RAC2: variants seen among roughly 807,000 people sequenced by gnomAD.
The protein encoded by RAC2 is ras-related C3 botulinum toxin substrate 2.
RAC2 carries 1 observed loss-of-function variant against 24.0 expected under a neutral mutation model. That is an observed-to-expected ratio of 0.04 (90% confidence interval 0.01 to 0.20). The LOEUF is 0.20. Among genes scored for constraint, RAC2 ranks in the 10% least tolerant of loss-of-function variants. The probability of loss-of-function intolerance (pLI) is 1.00; values close to 1 mark genes in which losing one functional copy is unlikely to be tolerated. For missense variants in RAC2, 130 were observed against 259.1 expected, an observed-to-expected ratio of 0.50 and a Z score of 3.42; for synonymous variants, 114 against 106.8, an observed-to-expected ratio of 1.07 and a Z score of -0.41.
intron 5 of RAC2, among the ~76,000 whole-genome samples, chr22:37,229,068 A>T (rs1926976094): frequency 6.6e-6 from 1 of 152,070 alleles, no homozygotes; most frequent in Non-Finnish European, 1.5e-5. Flanking sequence ...CTTCCCCCAC[A>T]TCCACCAACT....
chr22:37,233,018 G>C, intron 2 of RAC2, 100 bp from the exon 3 acceptor site: 3 of 901,252 alleles, frequency 3.3e-6, no homozygotes, highest in Non-Finnish European at 5.5e-6. Flanking sequence ...CTGAGACCTA[G>C]AGACAGTCTG....
chr22:37,231,417 G>C lies in RAC2; in HGVS notation c.289-27C>G. ...TGGGCAGGTGGGTGGGGGGACACAA[G>C]GTTGTATGGGTCAAGAGGGGGCGCG... On this transcript the variant is annotated intron_variant, in intron 4 of 6. Coordinates refer to ENST00000249071, the MANE Select transcript of RAC2 (RefSeq NM_002872.5). This position sits in a 1 kb window ranked among gnomAD's most constrained non-coding sequence, Gnocchi z 5.5. The C allele has an allele frequency of 6.2e-7, 1 of 1,612,312 alleles. No homozygotes were observed. Among genetic ancestry groups the C allele is most frequent in the Non-Finnish European group, 8.5e-7 (1 of 1,179,018 alleles).
At chr22:37,228,001 G>A (rs1926936537) in intron 5 of RAC2, among the ~76,000 whole-genome samples, 1 of 152,110 alleles carries the variant, frequency 6.6e-6, no homozygotes, top group Non-Finnish European at 1.5e-5. Context: ...TCACCTTCTA[G>A]AAAATTGTCT....
At chr22:37,241,517 T>G in intron 2 of RAC2, 70 bp downstream of exon 2, 1 of 1,499,072 alleles carries the variant, frequency 6.7e-7, no homozygotes, top group East Asian at 2.3e-5. Context: ...AGGAAGTGCC[T>G]GAAAGGGGGG....
Position 37,226,721 on chromosome 22 carries a change from C to G in RAC2, c.531G>C (p.Leu177=). Residue 177 remains leucine (L), a synonymous_variant, in exon 6 of 7, where the codon CTG becomes CTC. Coordinates refer to ENST00000249071, the MANE Select transcript of RAC2 (RefSeq NM_002872.5). The part of the protein sequence containing the change: ...TVFDEAIRAV[L]CPQPTRQQKR... ...TCTGCTGCCGCGTGGGCTGAGGGCA[C>G]AGCACGGCCCGGATGGCCTCGTCGA... The G allele has an allele frequency of 1.2e-6, 2 of 1,613,122 alleles. No homozygotes were observed.
intron 2 of RAC2, among the ~76,000 whole-genome samples, chr22:37,235,851 G>A (rs1251678944): frequency 6.6e-6 from 1 of 152,240 alleles, no homozygotes; most frequent in East Asian, 1.9e-4. Context: ...CAGGGCCACG[G>A]TGATGGGGAA....
chr22:37,236,602 T>C (rs963686167), intron 2 of RAC2, among the ~76,000 whole-genome samples: 33 of 152,090 alleles, frequency 2.2e-4, no homozygotes, highest in African/African-American at 8.0e-4. Context: ...TTTCATCTAG[T>C]GCCTGTAGAA....
At chr22:37,229,518 C>T (rs985091110) in intron 5 of RAC2, among the ~76,000 whole-genome samples, 1 of 152,220 alleles carries the variant, frequency 6.6e-6, no homozygotes, top group South Asian at 2.1e-4. Context: ...CAGTCCACAT[C>T]AGCTGTGATT....
Position 37,231,802 on chromosome 22 carries a change from T to G in RAC2, c.288+130A>C. On this transcript the variant is annotated intron_variant, in intron 4 of 6. Coordinates refer to ENST00000249071, the MANE Select transcript of RAC2 (RefSeq NM_002872.5). This position sits in a 1 kb window ranked among gnomAD's most constrained non-coding sequence, Gnocchi z 5.5. ...CCTCAAGTCCCTCTGCCAGCCCTGG[T>G]TGGCACTGGGGACCCTCTCTGTATG... 9.2e-7 allele frequency: 1 copy of G among 1,081,210 alleles called. No homozygotes were observed. Among genetic ancestry groups the G allele is most frequent in the African/African-American group, 1.6e-5 (1 of 63,786 alleles). The allele number at this position is 1,081,210 out of a possible 1,614,324, so 67.0% of individuals were successfully genotyped here. A position where few individuals can be genotyped will look rare whatever the true frequency, so the allele number is the denominator to read the frequency against.
At chr22:37,241,245 C>T in intron 2 of RAC2, 1 of 737,080 alleles carries the variant, frequency 1.4e-6, no homozygotes, top group South Asian at 1.4e-5. Flanking sequence ...CTCTCTGGAT[C>T]ACCTCCTCCA....
At chr22:37,243,508 C>T (rs1219949244) in intron 1 of RAC2, among the ~76,000 whole-genome samples, 1 of 152,186 alleles carries the variant, frequency 6.6e-6, no homozygotes, top group East Asian at 1.9e-4. Flanking sequence ...CCACATCCCC[C>T]ACACATCCTC....
intron 5 of RAC2, among the ~76,000 whole-genome samples, chr22:37,229,102 C>T (rs962469468): frequency 1.3e-5 from 2 of 152,214 alleles, no homozygotes; most frequent in Non-Finnish European, 2.9e-5. Flanking sequence ...CACCCAGCCA[C>T]CCACTCACCC....
chr22:37,238,294 T>C (rs1927294856), intron 2 of RAC2, among the ~76,000 whole-genome samples: 1 of 152,046 alleles, frequency 6.6e-6, no homozygotes, highest in African/African-American at 2.4e-5. Flanking sequence ...TGGAGTGCAG[T>C]AGCACAATCA....
At position 37,225,628 on chromosome 22, in the gene RAC2, A is replaced by C. The variant is rs1360864130; in HGVS notation, c.*414T>G. 1 of 152,010 alleles carries C rather than the reference A, an allele frequency of 6.6e-6. No homozygotes were observed. The highest frequency in any genetic ancestry group is 2.4e-5 in the African/African-American group (1 of 41,340). 9.4% of individuals were successfully genotyped at this position (152,010 alleles called of 1,614,324 possible). ...ATTAGAGCAGCTGGCCTCAGGAGGG[A>C]GTAAGAGCCCCATCCCTGAAGGTAC... On this transcript the variant is annotated 3_prime_UTR_variant, in exon 7 of 7. Transcript: ENST00000249071.
intron 2 of RAC2, chr22:37,241,233 G>T: frequency 1.3e-6 from 1 of 755,234 alleles, no homozygotes; most frequent in Non-Finnish European, 2.5e-6. Flanking sequence ...CTTGGAGTCA[G>T]GCTCTCTGGA....
At position 37,236,367 on chromosome 22, in the gene RAC2, G is replaced by A. The variant is rs1927221751; in HGVS notation, c.108-3449C>T. On this transcript the variant is annotated intron_variant, in intron 2 of 6. Coordinates refer to ENST00000249071, the MANE Select transcript of RAC2 (RefSeq NM_002872.5). ...ACTTAAGAGACCCACAGGCAGCCAG[G>A]ACCAGAGAGGAACCTTATGCACAGA... 2.0e-5 allele frequency among the ~76,000 whole-genome samples: 3 copies of A among 152,154 alleles called. No individual in the cohort carries two copies. The East Asian group carries it at 5.8e-4, about 29-fold the overall frequency.
At chr22:37,232,509 G>C (rs1927096823) in intron 3 of RAC2, 1 of 490,652 alleles carries the variant, frequency 2.0e-6, no homozygotes, top group Admixed American at 3.3e-5. Flanking sequence ...CTGCCTCCTG[G>C]GGCCCTGTGC....
At position 37,231,256 on chromosome 22, in the gene RAC2, C is replaced by T. The variant is rs1400571637; in HGVS notation, c.423G>A (p.Gln141=). 1.2e-6 allele frequency: 2 copies of T among 1,613,746 alleles called. No homozygotes were observed. Among genetic ancestry groups the T allele is most frequent in the Non-Finnish European group, 1.7e-6 (2 of 1,180,034 alleles). The change falls in exon 5 of 7, where the codon CAG becomes CAA. Residue 141 remains glutamine, a synonymous_variant. Coordinates refer to ENST00000249071, the MANE Select transcript of RAC2 (RefSeq NM_002872.5). The surrounding 1 kb of genome is among the most constrained non-coding windows in gnomAD (Gnocchi z 5.5). ...EKKLAPITYP[Q]GLALAKEIDS... Reference sequence around the variant, plus strand: ...CAATCTCCTTGGCCAGTGCCAGGCCCTGCGGGTAGGTGATGGGAGCCAGCT... The same window carrying T: ...CAATCTCCTTGGCCAGTGCCAGGCCTTGCGGGTAGGTGATGGGAGCCAGCT...
Position 37,237,517 on chromosome 22 carries a change from G to A in RAC2, c.107+4070C>T, listed in dbSNP as rs549369331. Among the ~76,000 whole-genome samples the A allele has an allele frequency of 8.7e-4, 132 of 152,254 alleles. 1 individual carries two copies. The highest frequency in any genetic ancestry group is 3.0e-3 in the African/African-American group (126 of 41,558). Reference sequence around the variant, plus strand: ...GGAGCAGGGATGGGGCTGCCGAGAGGCCAGGCAGAACCTGGTGGGGCCTGG... The same window carrying A: ...GGAGCAGGGATGGGGCTGCCGAGAGACCAGGCAGAACCTGGTGGGGCCTGG... On this transcript the variant is annotated intron_variant, in intron 2 of 6. Coordinates refer to ENST00000249071, the MANE Select transcript of RAC2 (RefSeq NM_002872.5).
Sources: gnomAD v4.1 joint callset for allele counts (sites outside exome capture counted in the v4.1 genomes callset) on GRCh38, gnomAD v4.1.1 for gene constraint, Gnocchi (gnomAD v3.1) non-coding constraint, MANE v1.5 for transcripts, NCBI Gene and HGNC (gene_info 2026-07-23, HGNC 2026-07-21) for gene names.